The following HLCS variants were observed in gnomAD, a reference collection of about 807,000 sequenced individuals.
The protein encoded by HLCS is biotin--protein ligase.
HLCS carries 53 observed loss-of-function variants against 75.0 expected under a neutral mutation model. The observed-to-expected ratio is 0.71, with a 90% confidence interval of 0.57 to 0.89. The LOEUF is 0.89. HLCS is among the 40% of genes least tolerant of loss of function. The pLI is 0.00. For synonymous variants in HLCS, 431 were observed against 428.6 expected (o/e 1.01, Z -0.07); for missense variants, 966 against 1,074.0 (o/e 0.90, Z 1.41).
chr21:36,934,846 G>C (rs1287796737), intron 4 of HLCS, among the ~76,000 whole-genome samples: 1 of 152,178 alleles, frequency 6.6e-6, no homozygotes, highest in African/African-American at 2.4e-5. Flanking sequence ...AGAGACACAG[G>C]CCTGTGGAGA....
chr21:36,965,340 T>C (rs189035393), intron 1 of HLCS, among the ~76,000 whole-genome samples: 143 of 152,324 alleles, frequency 9.4e-4, no homozygotes, highest in African/African-American at 3.1e-3. Context: ...TAAATATTAA[T>C]GAGAACAATG....
chr21:36,958,316 GGTC>G (rs1273382543), intron 2 of HLCS, among the ~76,000 whole-genome samples: 4 of 151,922 alleles, frequency 2.6e-5, no homozygotes, highest in East Asian at 3.9e-4. Context: ...ATCAACAGCT[GGTC>G]GTCTTCTACC....
chr21:36,888,442 AAAAATATATATATATATATATAT>A (rs1413225794), intron 6 of HLCS, among the ~76,000 whole-genome samples: 982 of 31,536 alleles, frequency 0.031, 37 homozygotes, highest in South Asian at 0.064. Flanking sequence ...TAAAAAAAAA[AAAAATATATATATATATATATAT>A]ATATATATAT....
Position 36,754,619 on chromosome 21 carries a change from C to A in HLCS, c.2451-202G>T, listed in dbSNP as rs1366429407. 3.9e-5 allele frequency among the ~76,000 whole-genome samples: 6 copies of A among 152,186 alleles called. No individual in the cohort carries two copies. In the East Asian group the frequency reaches 1.2e-3, roughly 29 times the overall value. On this transcript the variant is annotated intron_variant, in intron 10 of 10. Coordinates refer to ENST00000674895, the MANE Select transcript of HLCS (RefSeq NM_001352514.2). ...TTTTAAGAACTGCTCAAATAACCAG[C>A]AGGATGCAAGTTCAACAAGGAGTCG...
chr21:36,883,302 G>T (rs1255854598), intron 6 of HLCS, among the ~76,000 whole-genome samples: 1 of 152,188 alleles, frequency 6.6e-6, no homozygotes, highest in Non-Finnish European at 1.5e-5. Context: ...AAGCCACAAA[G>T]CTAAGTCAGG....
intron 6 of HLCS, among the ~76,000 whole-genome samples, chr21:36,895,013 C>G (rs1277384546): frequency 6.6e-6 from 1 of 152,110 alleles, no homozygotes; most frequent in East Asian, 1.9e-4. Context: ...TGTCCGCACT[C>G]TCAGGGCGTG....
intron 6 of HLCS, among the ~76,000 whole-genome samples, chr21:36,814,802 C>T (rs909286293): frequency 1.3e-5 from 2 of 152,200 alleles, no homozygotes; most frequent in Non-Finnish European, 2.9e-5. Context: ...TTTCTAATCC[C>T]TCTCCAGGCA....
At chr21:36,898,446 CAAAAAAAAA>C (rs58625493) in intron 5 of HLCS, among the ~76,000 whole-genome samples, 5 of 49,538 alleles carry the variant, frequency 1.0e-4, no homozygotes, top group African/African-American at 4.4e-4. Context: ...AACTCCATCT[CAAAAAAAAA>C]AAAAAAAAAA....
intron 2 of HLCS, among the ~76,000 whole-genome samples, chr21:36,961,824 C>G (rs1466516187): frequency 6.6e-6 from 1 of 151,846 alleles, no homozygotes; most frequent in African/African-American, 2.4e-5. Context: ...TGTGGTGGCA[C>G]ACGCCTGTAG....
At chr21:36,796,667 T>C (rs546817031) in intron 6 of HLCS, among the ~76,000 whole-genome samples, 113 of 152,280 alleles carry the variant, frequency 7.4e-4, no homozygotes, top group African/African-American at 2.6e-3. Flanking sequence ...TCGGGGCCAC[T>C]AACAAAGAAG....
At chr21:36,801,085 G>T (rs2145918698) in intron 6 of HLCS, among the ~76,000 whole-genome samples, 1 of 152,210 alleles carries the variant, frequency 6.6e-6, no homozygotes, top group East Asian at 1.9e-4. Flanking sequence ...TGATGACATG[G>T]GACATGCCGG....
At chr21:36,877,928 GAGAAAAAGTCCAC>G (rs1178309401) in intron 6 of HLCS, among the ~76,000 whole-genome samples, 1 of 151,828 alleles carries the variant, frequency 6.6e-6, no homozygotes, top group Non-Finnish European at 1.5e-5. Context: ...AATAATTTCT[GAGAAAAAGTCCAC>G]AGACATTCAA....
At chr21:36,984,853 T>C (rs1304318714) in intron 1 of HLCS, among the ~76,000 whole-genome samples, 7 of 150,682 alleles carry the variant, frequency 4.6e-5, no homozygotes. Context: ...GAATGTTCCA[T>C]TTTATATTTT....
intron 5 of HLCS, among the ~76,000 whole-genome samples, chr21:36,898,637 C>A: frequency 6.6e-6 from 1 of 151,974 alleles, no homozygotes; most frequent in East Asian, 1.9e-4. Flanking sequence ...TAATGAAACA[C>A]AATGGGTGGT....
intron 2 of HLCS, among the ~76,000 whole-genome samples, chr21:36,944,992 C>T (rs2067316361): frequency 6.6e-6 from 1 of 151,992 alleles, no homozygotes; most frequent in African/African-American, 2.4e-5. Flanking sequence ...TGGTGACAGG[C>T]GCCTGTAGTC....
chr21:36,856,643 G>A (rs537481092), intron 6 of HLCS, among the ~76,000 whole-genome samples: 1 of 151,902 alleles, frequency 6.6e-6, no homozygotes, highest in South Asian at 2.1e-4. Context: ...CATCAGGTAA[G>A]GTAACACAGT....
At chr21:36,911,207 G>C (rs991469649) in intron 5 of HLCS, among the ~76,000 whole-genome samples, 4 of 152,162 alleles carry the variant, frequency 2.6e-5, no homozygotes, top group Non-Finnish European at 5.9e-5. Context: ...ACGCGCTCCA[G>C]CTGGCCCTGT....
intron 6 of HLCS, among the ~76,000 whole-genome samples, chr21:36,847,942 A>T (rs185910012): frequency 6.6e-6 from 1 of 152,204 alleles, no homozygotes; most frequent in Non-Finnish European, 1.5e-5. Flanking sequence ...GGGTCATACA[A>T]TAGGTATTGT....
intron 6 of HLCS, among the ~76,000 whole-genome samples, chr21:36,891,676 T>C (rs114861901): frequency 0.015 from 2,344 of 152,134 alleles, 58 homozygotes; most frequent in African/African-American, 0.052. Context: ...ATTCAAAATG[T>C]CAGTGCTTGC....
Sources: gnomAD v4.1 joint callset for allele counts (sites outside exome capture counted in the v4.1 genomes callset) on GRCh38, gnomAD v4.1.1 for gene constraint, MANE v1.5 for transcripts, NCBI Gene and HGNC (gene_info 2026-07-23, HGNC 2026-07-21) for gene names.